The following SCTR variants were observed in gnomAD, a reference collection of about 807,000 sequenced individuals.
SCTR encodes the protein pancreatic secretin receptor.
In SCTR, 56 loss-of-function variants were observed where a neutral mutation model predicts 60.8. The observed-to-expected ratio is 0.92, with a 90% CI of 0.74 to 1.15. The LOEUF (loss-of-function observed/expected upper bound fraction) is 1.15, where lower values mean the gene tolerates loss of function less well. SCTR is among the 50% of genes most tolerant of loss of function. SCTR has a pLI of 0.00. For missense variants in SCTR, 562 were observed against 550.4 expected (o/e 1.02, Z -0.21); for synonymous variants, 202 against 217.0 (o/e 0.93, Z 0.61).
At chr2:119,466,492 C>G (rs377261161) in intron 4 of SCTR, among the ~76,000 whole-genome samples, 1 of 152,212 alleles carries the variant, frequency 6.6e-6, no homozygotes, top group East Asian at 1.9e-4. Context: ...TGGCTCATGC[C>G]TGTAATCCCA....
chr2:119,495,660 G>A (rs1678317946), intron 1 of SCTR: 1 of 152,254 alleles, frequency 6.6e-6, no homozygotes, highest in South Asian at 2.1e-4. Flanking sequence ...CTTCTGATTA[G>A]CTCCTATTCA....
rs202019583 is a variant in SCTR at position 119,478,819 on chromosome 2, C to T, written c.293G>A (p.Ser98Asn). Reference protein sequence around the residue: ...ECPRFLRMLTSRNGSLFRNCT... With the variant: ...ECPRFLRMLTNRNGSLFRNCT... Reference sequence around the variant, plus strand: ...ATGGGCCGAGTGGTTACCATTTCTGCTGGTGAGCATCCGGAGGAATCTCGG... The same window carrying T: ...ATGGGCCGAGTGGTTACCATTTCTGTTGGTGAGCATCCGGAGGAATCTCGG... The change falls in exon 3 of 13, where the codon AGC becomes AAC. Residue 98 changes from serine (S) to asparagine (N), a missense_variant. Ser to Asn is a conservative substitution (Grantham distance 46). Transcript: ENST00000019103. The T allele has an allele frequency of 1.2e-6, 2 of 1,614,192 alleles. No homozygotes were observed. Among genetic ancestry groups the T allele is most frequent in the East Asian group, 4.5e-5 (2 of 44,882 alleles).
intron 1 of SCTR, among the ~76,000 whole-genome samples, chr2:119,511,039 T>C (rs540938997): frequency 1.0e-4 from 15 of 149,662 alleles, no homozygotes; most frequent in African/African-American, 3.7e-4. Context: ...CTACTAAAAA[T>C]ACAAAAAAAA....
intron 5 of SCTR, 29 bp from the exon 6 acceptor site, chr2:119,464,284 G>A: frequency 6.2e-7 from 1 of 1,613,744 alleles, no homozygotes; most frequent in Non-Finnish European, 8.5e-7. Flanking sequence ...GGGACATAGA[G>A]GCCAGAGCCT....
intron 1 of SCTR, among the ~76,000 whole-genome samples, chr2:119,501,359 G>T (rs564502500): frequency 6.6e-6 from 1 of 151,522 alleles, no homozygotes; most frequent in African/African-American, 2.4e-5. Context: ...GCAGTAAGCC[G>T]AGATCATGCC....
At chr2:119,484,062 T>G (rs1294760354) in intron 2 of SCTR, among the ~76,000 whole-genome samples, 1 of 152,124 alleles carries the variant, frequency 6.6e-6, no homozygotes, top group Admixed American at 6.5e-5. Flanking sequence ...AGCCCAGGAC[T>G]AGGGTCATCC....
rs1394183066 is a variant in SCTR, at chr2:119,519,836, GA to G, written c.72+4318del. 9.3e-5 allele frequency among the ~76,000 whole-genome samples: 11 copies of G among 118,016 alleles called. No individual in the cohort carries two copies. In the East Asian group the frequency reaches 3.3e-3, roughly 35 times the overall value. The allele number at this position is 118,016 out of a possible 152,430, so 77.4% of individuals were successfully genotyped here. On this transcript the variant is annotated intron_variant, in intron 1 of 12. Transcript: ENST00000019103. ...AAAAAAAAAAAAAAAAAGAAAAAAA[GA>G]AAAGAAAAACAAAGAAAAAAAAAAG... is the stretch of plus-strand genomic sequence containing the variant.
intron 2 of SCTR, among the ~76,000 whole-genome samples, chr2:119,488,266 C>G (rs2104882417): frequency 6.6e-6 from 1 of 152,320 alleles, no homozygotes; most frequent in East Asian, 1.9e-4. Context: ...CCCTTTCACC[C>G]ACCTGCACGC....
At chr2:119,442,804 ACACAGTTCC>A (rs1010986785) in intron 11 of SCTR, among the ~76,000 whole-genome samples, 15 of 152,304 alleles carry the variant, frequency 9.8e-5, no homozygotes, top group African/African-American at 3.6e-4. Flanking sequence ...AAAGATCCCC[ACACAGTTCC>A]AAAAAACGGG....
chr2:119,499,869 T>C (rs1380284283), intron 1 of SCTR, among the ~76,000 whole-genome samples: 2 of 152,090 alleles, frequency 1.3e-5, no homozygotes, highest in African/African-American at 4.8e-5. Flanking sequence ...AGATGTCTAC[T>C]CTCACAATTC....
Position 119,461,710 on chromosome 2 carries a change from TCAA to T in SCTR, c.790+134_790+136del, listed in dbSNP as rs1239925063. On this transcript the variant is annotated intron_variant, in intron 7 of 12. Coordinates refer to ENST00000019103, the MANE Select transcript of SCTR (RefSeq NM_002980.3). ...TGGGCAACAAGAGCAAAACTCCAAC[TCAA>T]AAAAAAAAAAAAAAAAAAAGATTAC... 5.3e-5 allele frequency: 24 copies of T among 452,716 alleles called. No homozygotes were observed. The East Asian group carries it at 8.3e-4, about 16-fold the overall frequency. 28.0% of individuals were successfully genotyped at this position (452,716 alleles called of 1,614,324 possible).
chr2:119,489,178 C>T (rs1029144521), intron 2 of SCTR, among the ~76,000 whole-genome samples: 5 of 152,162 alleles, frequency 3.3e-5, no homozygotes, highest in Non-Finnish European at 7.3e-5. Context: ...CTCTCTCCCC[C>T]AAGGTTAGAC....
chr2:119,472,260 C>T (rs114300426), intron 4 of SCTR, among the ~76,000 whole-genome samples: 4,125 of 152,258 alleles, frequency 0.027, 205 homozygotes, highest in African/African-American at 0.093. Context: ...GAGCCCTTCC[C>T]GTGGGGAGGG....
intron 1 of SCTR, 75 bp from the exon 2 acceptor site, chr2:119,494,623 ACAATGCAGATT>A: frequency 6.7e-7 from 1 of 1,502,716 alleles, no homozygotes; most frequent in Non-Finnish European, 9.2e-7. Flanking sequence ...ATGGGGCAAG[ACAATGCAGATT>A]CAATGGGGAT....
chr2:119,450,078 A>ATAAAT (rs1553459843), intron 9 of SCTR, among the ~76,000 whole-genome samples: 5,580 of 144,994 alleles, frequency 0.038, 436 homozygotes, highest in African/African-American at 0.14. Context: ...GAAAGAAAGA[A>ATAAAT]AAATAAATAA....
intron 2 of SCTR, among the ~76,000 whole-genome samples, chr2:119,489,592 C>G (rs1261579413): frequency 6.6e-6 from 1 of 152,186 alleles, no homozygotes; most frequent in South Asian, 2.1e-4. Context: ...GTCGGGGTAA[C>G]TCGCTTGACC....
chr2:119,453,160 G>A (rs1033642118), intron 8 of SCTR, 127 bp downstream of exon 8: 1 of 723,100 alleles, frequency 1.4e-6, no homozygotes, highest in Admixed American at 2.1e-5. Flanking sequence ...TCAGTCCAGG[G>A]AACTCATCTG....
rs371863937 is a variant in SCTR, at chr2:119,446,866, G to T, written c.1033C>A (p.Leu345Ile). 1 of 1,561,806 alleles carries T rather than the reference G, an allele frequency of 6.4e-7. No homozygotes were observed. The highest frequency in any genetic ancestry group is 8.7e-7 in the Non-Finnish European group (1 of 1,152,826). Residue 345 changes from leucine to isoleucine, a missense_variant, in exon 11 of 13, where the codon CTC becomes ATC. Physicochemically the swap from Leu to Ile is conservative, Grantham distance 5. Transcript: ENST00000019103. ...ATGCCAAAGAGGGGGATCAGCAGGA[G>T]AGTGGACCTGGCCAGGCGCCTGGGG... ...SHYKRLARST[L>I]LLIPLFGIHY...
At chr2:119,441,492 C>G (rs2104745924) in intron 12 of SCTR, 66 bp downstream of exon 12, 1 of 1,326,462 alleles carries the variant, frequency 7.5e-7, no homozygotes, top group Non-Finnish European at 1.1e-6. Flanking sequence ...CCAGGTAGCT[C>G]CTTCTGACCC....
Sources: allele counts gnomAD v4.1 joint callset (sites outside exome capture counted in the v4.1 genomes callset), GRCh38; gene constraint gnomAD v4.1.1; transcripts MANE v1.5; gene names NCBI Gene and HGNC (gene_info 2026-07-23, HGNC 2026-07-21).